AP3D1: variants seen among roughly 807,000 people sequenced by gnomAD.
The protein encoded by AP3D1 is AP-3 complex subunit delta-1.
In AP3D1, 51 loss-of-function variants were observed where a neutral mutation model predicts 147.6. The ratio of observed to expected loss-of-function variants is 0.35; its 90% CI spans 0.28 to 0.44. AP3D1 has a LOEUF of 0.44. Among genes scored for constraint, AP3D1 ranks in the 20% least tolerant of loss-of-function variants. The pLI is 1.00. For synonymous variants in AP3D1, 760 were observed against 663.0 expected (o/e 1.15, Z -2.25); for missense variants, 1,421 against 1,624.2 (o/e 0.87, Z 2.15).
chr19:2,102,319 C>T lies in AP3D1; in HGVS notation c.3553-51G>A, dbSNP rs1399658643. On this transcript the variant is annotated intron_variant, in intron 31 of 31. Transcript: ENST00000643116. ...TTTAAAAGTGTGTGCAGGGGCTAGG[C>T]ACGGTGGCTCAAGTCTGTGATCCCA... The T allele has an allele frequency of 2.0e-6, 3 of 1,495,000 alleles. No individual in the cohort carries two copies. In the African/African-American group the frequency reaches 4.1e-5, roughly 21 times the overall value. 92.6% of individuals were successfully genotyped at this position (1,495,000 alleles called of 1,614,324 possible).
At position 2,150,001 on chromosome 19, in the gene AP3D1, G is replaced by A. The variant is rs545792481; in HGVS notation, c.96+1238C>T. Among the ~76,000 whole-genome samples the A allele has an allele frequency of 3.1e-4, 47 of 152,322 alleles. 1 individual carries two copies. The South Asian group carries it at 9.5e-3, about 31-fold the overall frequency. On this transcript the variant is annotated intron_variant, in intron 1 of 31. Transcript: ENST00000643116. Reference sequence around the variant, plus strand: ...TGAGATGAAGAAAACCAAGGAGGCCGAAGGGAAGTGGGGTGGAGAAGAACA... The same window carrying A: ...TGAGATGAAGAAAACCAAGGAGGCCAAAGGGAAGTGGGGTGGAGAAGAACA...
At chr19:2,150,359 C>T (rs2019473398) in intron 1 of AP3D1, among the ~76,000 whole-genome samples, 1 of 152,190 alleles carries the variant, frequency 6.6e-6, no homozygotes, top group Admixed American at 6.5e-5. Flanking sequence ...CTTAATGAAG[C>T]CAGACACGTG....
At chr19:2,129,592 C>T in intron 6 of AP3D1, 135 bp from the exon 7 acceptor site, 2 of 1,091,990 alleles carry the variant, frequency 1.8e-6, no homozygotes, top group South Asian at 3.3e-5. Flanking sequence ...CTGCCACCTC[C>T]TCCTGGTGAC....
rs759930199 is a variant in AP3D1 at position 2,109,096 on chromosome 19, G to C, written c.3462C>G (p.His1154Gln). The change falls in exon 30 of 32, where the codon CAC becomes CAG. Residue 1154 changes from histidine (H) to glutamine (Q), a missense_variant. By Grantham distance (24) the His-to-Gln change is conservative. Around this residue, in one of 6 missense-constraint regions of AP3D1, gnomAD observed 791 missense variants for 761.4 expected, o/e 1.04. Transcript: ENST00000643116. ...CCTCACTCTCCTTACCGGAAAAATG[G>C]TGGTGAAAACAGATCTTCGCCAGAA... ...QNLLAKICFH[H>Q]HFSVVERVDS... The C allele has an allele frequency of 6.2e-7, 1 of 1,608,104 alleles. No individual in the cohort carries two copies. Among genetic ancestry groups the C allele is most frequent in the South Asian group, 1.1e-5 (1 of 90,088 alleles).
At chr19:2,127,107 C>T (rs763893881) in intron 9 of AP3D1, 45 bp downstream of exon 9, 21 of 1,606,552 alleles carry the variant, frequency 1.3e-5, no homozygotes, top group Non-Finnish European at 1.7e-5. Flanking sequence ...AGACCCCAGC[C>T]TGGCAGTGCC....
intron 1 of AP3D1, among the ~76,000 whole-genome samples, chr19:2,160,336 C>T (rs184301357): frequency 2.6e-5 from 4 of 152,002 alleles, no homozygotes; most frequent in Non-Finnish European, 5.9e-5. Flanking sequence ...CGAGACCAGC[C>T]TAGCCAACAT....
chr19:2,107,418 C>T (rs777571060), intron 31 of AP3D1, among the ~76,000 whole-genome samples: 2 of 151,956 alleles, frequency 1.3e-5, no homozygotes, highest in African/African-American at 4.8e-5. Flanking sequence ...GGAACCAAAC[C>T]GGACATCAAG....
chr19:2,139,478 G>T (rs552471906), intron 1 of AP3D1, among the ~76,000 whole-genome samples: 3 of 152,212 alleles, frequency 2.0e-5, no homozygotes, highest in Admixed American at 2.0e-4. Flanking sequence ...TCTGACCCAA[G>T]CGAACTCAGG....
chr19:2,158,608 CT>C (rs1210998373), intron 1 of AP3D1, among the ~76,000 whole-genome samples: 324 of 143,488 alleles, frequency 2.3e-3, no homozygotes, highest in Middle Eastern at 3.7e-3. Flanking sequence ...GATCCCAGCT[CT>C]TTTTTTTTTT....
intron 9 of AP3D1, 75 bp downstream of exon 9, chr19:2,127,077 C>T (rs1270804606): frequency 1.0e-5 from 15 of 1,499,204 alleles, no homozygotes; most frequent in East Asian, 6.8e-5. Flanking sequence ...CCAGGCCTGG[C>T]GCCCTCCTGT....
upstream of AP3D1, among the ~76,000 whole-genome samples, chr19:2,153,212 A>G (rs1034500821): frequency 6.6e-6 from 1 of 151,372 alleles, no homozygotes; most frequent in Non-Finnish European, 1.5e-5. Flanking sequence ...CATCTCTACT[A>G]AAAATTAAAA....
chr19:2,163,850 GC>G (rs2019803043), intron 1 of AP3D1, among the ~76,000 whole-genome samples: 1 of 150,306 alleles, frequency 6.7e-6, no homozygotes, highest in Admixed American at 6.6e-5. Context: ...GGGTCGGCCC[GC>G]TGGGCGGCGG....
rs1392286563 is a variant in AP3D1 at position 2,118,824 on chromosome 19, T to C, written c.1490A>G (p.Gln497Arg). ...WICGEFSEHLQEPHHTLEAML... is the reference protein window; with the variant it reads ...WICGEFSEHLREPHHTLEAML... ...GGCCTCCAAAGTGTGGTGTGGTTCCTGCAGATGCCTGAGGACAGGAAACAC... is the reference window on the plus strand; with the variant it reads ...GGCCTCCAAAGTGTGGTGTGGTTCCCGCAGATGCCTGAGGACAGGAAACAC... The change falls in exon 15 of 32, where the codon CAG becomes CGG. Residue 497 changes from glutamine (Q) to arginine (R), a missense_variant. By Grantham distance (43) the Gln-to-Arg change is conservative. Transcript: ENST00000643116. 6 of 1,613,088 alleles carry C rather than the reference T, an allele frequency of 3.7e-6. No homozygotes were observed. The highest frequency in any genetic ancestry group is 4.2e-6 in the Non-Finnish European group (5 of 1,179,802).
chr19:2,121,665 G>A, intron 12 of AP3D1, 69 bp downstream of exon 12: 2 of 1,516,066 alleles, frequency 1.3e-6, no homozygotes, highest in Non-Finnish European at 1.8e-6. Context: ...ACGTGGCTCT[G>A]CACCTGACAC....
Position 2,120,915 on chromosome 19 carries a change from G to C in AP3D1, c.1428C>G (p.Asn476Lys). Residue 476 changes from asparagine to lysine, a missense_variant, in exon 14 of 32, where the codon AAC (asparagine) becomes AAG (lysine). This residue lies in a region of AP3D1 where 310 missense variants were observed against 388.1 expected (regional missense o/e 0.80). Transcript: ENST00000643116. ...AHLLASSTQR[N>K]GICEVLYAAA... ...CAGCGTACAGCACCTCACAGATCCCGTTCCGCTGGGTGCTGCTGGCCAGCA... is the reference window on the plus strand; with the variant it reads ...CAGCGTACAGCACCTCACAGATCCCCTTCCGCTGGGTGCTGCTGGCCAGCA... The C allele has an allele frequency of 1.2e-6, 2 of 1,611,420 alleles. No homozygotes were observed. The highest frequency in any genetic ancestry group is 2.2e-5 in the South Asian group (2 of 91,090).
intron 9 of AP3D1, 149 bp downstream of exon 9, chr19:2,127,003 C>G (rs2018775647): frequency 1.3e-6 from 1 of 786,174 alleles, no homozygotes; most frequent in Admixed American, 2.4e-5. Flanking sequence ...GGACTCCCAG[C>G]CAGCCCCAGG....
Position 2,127,173 on chromosome 19 carries a change from A to G in AP3D1, c.835T>C (p.Cys279Arg). The change falls in exon 9 of 32, where the codon TGT becomes CGT. Residue 279 changes from cysteine (C) to arginine (R), a missense_variant. Cys to Arg is a radical substitution (Grantham distance 180). Around this residue, in one of 6 missense-constraint regions of AP3D1, gnomAD observed 292 missense variants for 412.0 expected, o/e 0.71. Transcript: ENST00000643116. ...STSAMSLLYECVNTVIAVLIS... is the reference protein window; with the variant it reads ...STSAMSLLYERVNTVIAVLIS... ...TCACCTGCAATCACGGTGTTCACACATTCATAGAGGAGAGACATGGCAGAC... is the reference window on the plus strand; with the variant it reads ...TCACCTGCAATCACGGTGTTCACACGTTCATAGAGGAGAGACATGGCAGAC... 6.2e-7 allele frequency: 1 copy of G among 1,614,040 alleles called. No individual in the cohort carries two copies. Among genetic ancestry groups the G allele is most frequent in the Non-Finnish European group, 8.5e-7 (1 of 1,180,008 alleles).
Position 2,108,781 on chromosome 19 carries a change from G to A in AP3D1, c.3473-15C>T, listed in dbSNP as rs1216828518. 5.1e-6 allele frequency: 8 copies of A among 1,557,202 alleles called. No homozygotes were observed. In the South Asian group the frequency reaches 8.3e-5, roughly 16 times the overall value. ...TCGCTCCACAACTGCAACAGAGCGG[G>A]CAGTGTTAGGCTTCCCGGACATTGC... On this transcript the variant is annotated splice_polypyrimidine_tract_variant and intron_variant, in intron 30 of 31. Coordinates refer to ENST00000643116, the MANE Select transcript of AP3D1 (RefSeq NM_001261826.3).
intron 9 of AP3D1, among the ~76,000 whole-genome samples, chr19:2,125,711 C>A (rs1421896406): frequency 6.6e-6 from 1 of 151,908 alleles, no homozygotes; most frequent in Non-Finnish European, 1.5e-5. Context: ...GTATTTTAAA[C>A]AGAAATGTAG....
Sources: allele counts gnomAD v4.1 joint callset (sites outside exome capture counted in the v4.1 genomes callset), GRCh38; gene constraint gnomAD v4.1.1; regional missense constraint gnomAD v4.1.1; transcripts MANE v1.5; gene names NCBI Gene and HGNC (gene_info 2026-07-23, HGNC 2026-07-21).